The following LDLRAD4 variants were observed in gnomAD, a reference collection of about 807,000 sequenced individuals.
LDLRAD4 encodes low density lipoprotein receptor class A domain containing 4.
In LDLRAD4, 5 loss-of-function variants were observed where a neutral mutation model predicts 17.0. The observed-to-expected ratio is 0.29, with a 90% confidence interval of 0.15 to 0.62. LDLRAD4 has a LOEUF of 0.62. Among genes scored for constraint, LDLRAD4 ranks in the 20% least tolerant of loss-of-function variants. LDLRAD4 has a pLI of 0.84. For missense variants in LDLRAD4, 340 were observed against 424.7 expected, an observed-to-expected ratio of 0.80 and a Z score of 1.75; for synonymous variants, 168 against 171.8, an observed-to-expected ratio of 0.98 and a Z score of 0.17.
chr18:13,648,331 C>T (rs148270292), exon 6 of LDLRAD4: 1 of 152,360 alleles, frequency 6.6e-6, no homozygotes, highest in Admixed American at 6.5e-5. Context: ...CATTCAACCA[C>T]CCTAGAGAAC....
In LDLRAD4 at chr18:13,622,385, C is replaced by G. The variant is rs770198719; in HGVS notation, c.336+1114C>G. On this transcript the variant is annotated intron_variant, in intron 4 of 5. Coordinates refer to ENST00000359446, the Ensembl canonical transcript of LDLRAD4. The surrounding 1 kb of genome is among the most constrained non-coding windows in gnomAD (Gnocchi z 5.3). ...GTGCTACCGAGTGCTATCTTCAGAC[C>G]ATGGTGAGGGCTAGACGGGGCAGCC... 6.6e-6 allele frequency among the ~76,000 whole-genome samples: 1 copy of G among 152,132 alleles called. No individual in the cohort carries two copies. The highest frequency in any genetic ancestry group is 1.5e-5 in the Non-Finnish European group (1 of 68,008).
At chr18:13,603,754 A>G (rs1460788727) in intron 3 of LDLRAD4, among the ~76,000 whole-genome samples, 2 of 152,232 alleles carry the variant, frequency 1.3e-5, no homozygotes, top group East Asian at 3.8e-4. Context: ...CTCCACGCTG[A>G]GCACGCTGCT....
At chr18:13,492,752 G>A (rs775523799) in intron 3 of LDLRAD4, among the ~76,000 whole-genome samples, 1 of 152,124 alleles carries the variant, frequency 6.6e-6, no homozygotes, top group African/African-American at 2.4e-5. Context: ...GGAGCACCAG[G>A]TCATGCCATA....
intron 1 of LDLRAD4, among the ~76,000 whole-genome samples, chr18:13,321,142 G>T (rs1329596203): frequency 1.3e-5 from 2 of 152,166 alleles, no homozygotes; most frequent in Non-Finnish European, 2.9e-5. Context: ...CGAGAGACTG[G>T]CTCCCTGGGT....
intron 1 of LDLRAD4, among the ~76,000 whole-genome samples, chr18:13,369,406 C>T (rs1228872652): frequency 6.6e-6 from 1 of 152,008 alleles, no homozygotes; most frequent in Non-Finnish European, 1.5e-5. Flanking sequence ...GCCTGTTGGC[C>T]TCAGTGGGCT....
chr18:13,602,369 C>T (rs755259557), intron 3 of LDLRAD4, among the ~76,000 whole-genome samples: 2 of 152,036 alleles, frequency 1.3e-5, no homozygotes, highest in Admixed American at 6.6e-5. Flanking sequence ...AGAATTTCAA[C>T]CCAGGATATC....
chr18:13,612,012 G>T, intron 3 of LDLRAD4: 1 of 985,492 alleles, frequency 1.0e-6, no homozygotes, highest in South Asian at 4.7e-5. Flanking sequence ...ATCTGCAGGG[G>T]AGAAGCACGC....
intron 3 of LDLRAD4, among the ~76,000 whole-genome samples, chr18:13,610,225 G>A (rs1464744977): frequency 7.3e-6 from 1 of 137,458 alleles, no homozygotes; most frequent in South Asian, 2.6e-4. Flanking sequence ...GCAAAGGAGA[G>A]AAGAACTTTT....
intron 1 of LDLRAD4, among the ~76,000 whole-genome samples, chr18:13,380,502 A>G (rs888528018): frequency 2.6e-5 from 4 of 152,090 alleles, no homozygotes; most frequent in Non-Finnish European, 4.4e-5. Flanking sequence ...TCCTCCACAA[A>G]GCACAGGGGT....
At chr18:13,380,845 C>G (rs2085302275) in intron 1 of LDLRAD4, among the ~76,000 whole-genome samples, 1 of 152,182 alleles carries the variant, frequency 6.6e-6, no homozygotes, top group Admixed American at 6.5e-5. Context: ...GTAACCAGAT[C>G]CCACTGAGCT....
rs60365422 is a variant in LDLRAD4 at position 13,539,043 on chromosome 18, TTTAATTCCCCTCCCCTCG to T, written c.182-82070_182-82053del. ...CTTTGGTGTAACTTTTGATTTTGGC[TTTAATTCCCCTCCCCTCG>T]TTACAAAGAAAAAACAGAGAAGTAG... is the stretch of plus-strand genomic sequence containing the variant. On this transcript the variant is annotated intron_variant, in intron 3 of 5. Transcript: ENST00000359446. Among the ~76,000 whole-genome samples the T allele has an allele frequency of 1.2e-3, 186 of 152,380 alleles. 1 individual carries two copies. The highest frequency in any genetic ancestry group is 4.1e-3 in the South Asian group (20 of 4,830).
intron 3 of LDLRAD4, among the ~76,000 whole-genome samples, chr18:13,605,147 C>A (rs951434025): frequency 6.6e-6 from 1 of 152,188 alleles, no homozygotes; most frequent in African/African-American, 2.4e-5. Context: ...CATATGGTGT[C>A]CAGAAATCCT....
intron 3 of LDLRAD4, among the ~76,000 whole-genome samples, chr18:13,529,046 T>C (rs1167673910): frequency 6.6e-6 from 1 of 152,252 alleles, no homozygotes; most frequent in Non-Finnish European, 1.5e-5. Context: ...GATGTCAGAA[T>C]GATGGGAAGT....
In LDLRAD4 at chr18:13,621,700, T is replaced by C. The variant is rs4796990; in HGVS notation, c.336+429T>C. On this transcript the variant is annotated intron_variant, in intron 4 of 5. Coordinates refer to ENST00000359446, the Ensembl canonical transcript of LDLRAD4. This position sits in a 1 kb window ranked among gnomAD's most constrained non-coding sequence, Gnocchi z 5.5. ...GCGGGGACAAATCACGCGCTCATCG[T>C]CACTAAACGTGCCGGCAGCACATGG... Among the ~76,000 whole-genome samples the C allele has an allele frequency of 0.21, 31,269 of 152,148 alleles. 4,744 individuals carry two copies. Among genetic ancestry groups the C allele is most frequent in the East Asian group, 0.47 (2,428 of 5,162 alleles).
chr18:13,275,931 A>T (rs2044838176), upstream of LDLRAD4, among the ~76,000 whole-genome samples: 1 of 152,216 alleles, frequency 6.6e-6, no homozygotes, highest in Non-Finnish European at 1.5e-5. Flanking sequence ...GCCTGCTCTA[A>T]TGTACAGATG....
intron 1 of LDLRAD4, among the ~76,000 whole-genome samples, chr18:13,286,890 C>T (rs2045655043): frequency 6.6e-6 from 1 of 152,118 alleles, no homozygotes; most frequent in South Asian, 2.1e-4. Context: ...CTGGAATGTG[C>T]AGGGCAGGTG....
chr18:13,553,005 G>A (rs1484596881), intron 3 of LDLRAD4, among the ~76,000 whole-genome samples: 3 of 152,080 alleles, frequency 2.0e-5, no homozygotes, highest in Non-Finnish European at 4.4e-5. Flanking sequence ...CTCATCCTCT[G>A]CGTATTTTTA....
At chr18:13,305,844 T>C (rs183680983) in intron 1 of LDLRAD4, among the ~76,000 whole-genome samples, 7 of 152,308 alleles carry the variant, frequency 4.6e-5, no homozygotes, top group African/African-American at 1.4e-4. Context: ...GTATTGAAAA[T>C]GCAGCTTTTA....
At chr18:13,244,245 C>T (rs2042845532) in intron 1 of LDLRAD4, among the ~76,000 whole-genome samples, 2 of 150,476 alleles carry the variant, frequency 1.3e-5, no homozygotes, top group Admixed American at 1.3e-4. Flanking sequence ...CTCCTGTCCA[C>T]TCACCCACTC....
Sources: allele counts gnomAD v4.1 joint callset (sites outside exome capture counted in the v4.1 genomes callset), GRCh38; gene constraint gnomAD v4.1.1; non-coding constraint Gnocchi (gnomAD v3.1); transcripts MANE v1.5; gene names NCBI Gene and HGNC (gene_info 2026-07-23, HGNC 2026-07-21).